SKP1: variants seen among roughly 807,000 people sequenced by gnomAD.
SKP1 encodes the protein S-phase kinase-associated protein 1.
In SKP1, 1 loss-of-function variant was observed where a neutral mutation model predicts 21.5. The ratio of observed to expected loss-of-function variants is 0.05; its 90% CI spans 0.02 to 0.22. The LOEUF is 0.22. Among genes scored for constraint, SKP1 ranks in the 10% least tolerant of loss-of-function variants. The pLI is 1.00. For missense variants in SKP1, 70 were observed against 192.0 expected (o/e 0.36, Z 3.76); for synonymous variants, 59 against 59.3 (o/e 0.99, Z 0.03).
intron 2 of SKP1, among the ~76,000 whole-genome samples, chr5:134,167,639 C>T (rs1246094997): frequency 1.3e-5 from 2 of 152,010 alleles, no homozygotes; most frequent in Non-Finnish European, 2.9e-5. Context: ...TCTCCTGCCT[C>T]AGCCTCCCCG....
intron 2 of SKP1, among the ~76,000 whole-genome samples, chr5:134,171,968 C>T (rs968065637): frequency 2.6e-5 from 4 of 152,132 alleles, no homozygotes; most frequent in African/African-American, 4.8e-5. Flanking sequence ...TGCTTGAAGC[C>T]GGGAGGCAGA....
rs1761069524 is a variant in SKP1 at position 134,153,124 on chromosome 5, G to A, written c.*4609C>T. The A allele has an allele frequency of 6.6e-6, 1 of 152,152 alleles. No individual in the cohort carries two copies. 9.4% of individuals were successfully genotyped at this position (152,152 alleles called of 1,614,324 possible). ...TTCAAATCCTCAAACAACTTTGTAGGGAGAACATTTACTTGGTTGATTCCT... is the reference window on the plus strand; with the variant it reads ...TTCAAATCCTCAAACAACTTTGTAGAGAGAACATTTACTTGGTTGATTCCT... On this transcript the variant is annotated 3_prime_UTR_variant, in exon 6 of 6. Coordinates refer to ENST00000353411, the MANE Select transcript of SKP1 (RefSeq NM_170679.3).
chr5:134,176,199 G>A (rs369233979), intron 1 of SKP1, among the ~76,000 whole-genome samples: 8 of 152,174 alleles, frequency 5.3e-5, no homozygotes, highest in Non-Finnish European at 1.0e-4. Context: ...CTCTGACGAT[G>A]GTATCTGCTC....
At chr5:134,164,093 G>C (rs1761279065) in intron 3 of SKP1, among the ~76,000 whole-genome samples, 2 of 152,084 alleles carry the variant, frequency 1.3e-5, no homozygotes, top group African/African-American at 4.8e-5. Context: ...GACTGAGGCA[G>C]GCGGATCACC....
rs1761107809 is a variant in SKP1 at position 134,155,576 on chromosome 5, C to T, written c.*2157G>A. ...TTTAAATTACTACTATATTGTCTGT[C>T]CATCCAATCTTTCTGAAAGATCTCA... On this transcript the variant is annotated 3_prime_UTR_variant, in exon 6 of 6. Coordinates refer to ENST00000353411, the MANE Select transcript of SKP1 (RefSeq NM_170679.3). 1 of 152,174 alleles carries T rather than the reference C, an allele frequency of 6.6e-6. No individual in the cohort carries two copies. 9.4% of individuals were successfully genotyped at this position (152,174 alleles called of 1,614,324 possible). A position where few individuals can be genotyped will look rare whatever the true frequency, so the allele number is the denominator to read the frequency against.
intron 1 of SKP1, chr5:134,175,659 G>T (rs564372349): frequency 6.6e-6 from 1 of 152,302 alleles, no homozygotes; most frequent in East Asian, 1.9e-4. Flanking sequence ...TCAAGTTTGT[G>T]GATTGGGTTA....
chr5:134,158,009 C>A (rs974310627), intron 5 of SKP1: 2 of 1,497,212 alleles, frequency 1.3e-6, no homozygotes, highest in African/African-American at 2.8e-5. Flanking sequence ...CTAAAGTTGA[C>A]AGAGCAAATT....
Position 134,157,239 on chromosome 5 carries a change from C to T in SKP1, c.*494G>A, listed in dbSNP as rs1421927650. Reference sequence around the variant, plus strand: ...CAGGCTAATCAATACAGTGGTACTCCTTGACTGCAGGAGGCTGGAAGACAT... The same window carrying T: ...CAGGCTAATCAATACAGTGGTACTCTTTGACTGCAGGAGGCTGGAAGACAT... On this transcript the variant is annotated 3_prime_UTR_variant, in exon 6 of 6. Coordinates refer to ENST00000353411, the MANE Select transcript of SKP1 (RefSeq NM_170679.3). 1 of 162,972 alleles carries T rather than the reference C, an allele frequency of 6.1e-6. No individual in the cohort carries two copies. Among genetic ancestry groups the T allele is most frequent in the Non-Finnish European group, 1.3e-5 (1 of 74,738 alleles). The allele number at this position is 162,972 out of a possible 1,614,324, so 10.1% of individuals were successfully genotyped here.
chr5:134,160,357 C>G (rs1219993252), intron 4 of SKP1, among the ~76,000 whole-genome samples: 3 of 151,230 alleles, frequency 2.0e-5, no homozygotes, highest in Non-Finnish European at 4.4e-5. Flanking sequence ...AACTCTGTCT[C>G]AAAAATATAT....
At chr5:134,162,275 ATT>A (rs1761234354) in intron 3 of SKP1, among the ~76,000 whole-genome samples, 1 of 151,698 alleles carries the variant, frequency 6.6e-6, no homozygotes, top group African/African-American at 2.4e-5. Context: ...TCATTTTTGT[ATT>A]TTGTTTTTGT....
At chr5:134,176,511 G>C (rs1761549918) in intron 1 of SKP1, 1 of 152,330 alleles carries the variant, frequency 6.6e-6, no homozygotes, top group Non-Finnish European at 1.5e-5. Context: ...GCAGGCTTAA[G>C]ACCAAGAGAG....
chr5:134,152,633 C>G lies in SKP1; in HGVS notation c.*5100G>C. On this transcript the variant is annotated 3_prime_UTR_variant, in exon 6 of 6. Coordinates refer to ENST00000353411, the MANE Select transcript of SKP1 (RefSeq NM_170679.3). ...GTCGGCTCACTGCAACTTCCGCCTC[C>G]CGGGTTCAAGCGGTTCTCCTGCCTC... 1 of 152,232 alleles carries G rather than the reference C, an allele frequency of 6.6e-6. No individual in the cohort carries two copies. Among genetic ancestry groups the G allele is most frequent in the Non-Finnish European group, 1.5e-5 (1 of 68,084 alleles). 9.4% of individuals were successfully genotyped at this position (152,232 alleles called of 1,614,324 possible).
At chr5:134,170,796 T>C (rs1761425094) in intron 2 of SKP1, among the ~76,000 whole-genome samples, 4 of 152,234 alleles carry the variant, frequency 2.6e-5, no homozygotes, top group Admixed American at 2.6e-4. Flanking sequence ...TGCCCTATGT[T>C]CTTAAAATTG....
chr5:134,160,959 A>G, intron 4 of SKP1, 28 bp downstream of exon 4: 2 of 1,550,598 alleles, frequency 1.3e-6, no homozygotes, highest in Admixed American at 3.5e-5. Context: ...GCTCTAGAGT[A>G]GAGCTATCTT....
At chr5:134,171,075 A>C (rs1210215762) in intron 2 of SKP1, 6 of 453,924 alleles carry the variant, frequency 1.3e-5, no homozygotes, top group Middle Eastern at 6.5e-4. Flanking sequence ...ACTTAATAGA[A>C]GTTATCTTAA....
chr5:134,172,010 C>T (rs527549057), intron 2 of SKP1, among the ~76,000 whole-genome samples: 17 of 152,314 alleles, frequency 1.1e-4, no homozygotes, highest in African/African-American at 3.8e-4. Flanking sequence ...TACCACTGCA[C>T]ACCAGGCTGG....
At chr5:134,166,426 C>A (rs1428427780) in intron 3 of SKP1, among the ~76,000 whole-genome samples, 3 of 150,662 alleles carry the variant, frequency 2.0e-5, no homozygotes, top group Non-Finnish European at 3.0e-5. Flanking sequence ...ACTAAAAATA[C>A]AAAAATTAGC....
At chr5:134,166,997 A>AT (rs747265351) in intron 3 of SKP1, among the ~76,000 whole-genome samples, 173 bp downstream of exon 3, 5 of 152,234 alleles carry the variant, frequency 3.3e-5, no homozygotes, top group Non-Finnish European at 7.3e-5. Context: ...TTTTTTCTGT[A>AT]TATTTTAAGA....
intron 2 of SKP1, among the ~76,000 whole-genome samples, chr5:134,170,253 G>C (rs1761416508): frequency 6.6e-6 from 1 of 152,116 alleles, no homozygotes; most frequent in South Asian, 2.1e-4. Flanking sequence ...GTAAAGACAG[G>C]GTCCTGCTAT....
Sources: gnomAD v4.1 joint callset for allele counts (sites outside exome capture counted in the v4.1 genomes callset) on GRCh38, gnomAD v4.1.1 for gene constraint, MANE v1.5 for transcripts, NCBI Gene and HGNC (gene_info 2026-07-23, HGNC 2026-07-21) for gene names.